KLHL25: variants seen among roughly 807,000 people sequenced by gnomAD.
KLHL25 encodes the protein kelch like family member 25.
A neutral mutation model predicts 30.0 loss-of-function variants in KLHL25; 41 were observed. The ratio of observed to expected loss-of-function variants is 1.37; its 90% CI spans 1.07 to 1.78. The LOEUF is 1.78. KLHL25 is among the 40% of genes most tolerant of loss of function. KLHL25 has a pLI of 0.00. For synonymous variants in KLHL25, 399 were observed against 355.3 expected (o/e 1.12, Z -1.38); for missense variants, 971 against 824.5 (o/e 1.18, Z -2.18).
intron 1 of KLHL25, among the ~76,000 whole-genome samples, 197 bp from the exon 2 acceptor site, chr15:85,770,017 A>G (rs1025067826): frequency 6.6e-6 from 1 of 152,238 alleles, no homozygotes; most frequent in African/African-American, 2.4e-5. Flanking sequence ...CCTGCCCTGC[A>G]GAAACTGGTT....
At chr15:85,786,893 C>G (rs11629608) in intron 1 of KLHL25, among the ~76,000 whole-genome samples, 29,956 of 152,110 alleles carry the variant, frequency 0.2, 3,119 homozygotes, top group Middle Eastern at 0.3. Flanking sequence ...TTTTCCCATG[C>G]AAAAAATACA....
chr15:85,784,023 A>C (rs2089762597), intron 1 of KLHL25, among the ~76,000 whole-genome samples: 1 of 152,162 alleles, frequency 6.6e-6, no homozygotes, highest in Non-Finnish European at 1.5e-5. Context: ...GTGGGACACA[A>C]ATTTTGCTTG....
At position 85,768,853 on chromosome 15, in the gene KLHL25, T is replaced by C; in HGVS notation, c.958A>G (p.Ile320Val). The C allele has an allele frequency of 1.2e-6, 2 of 1,613,338 alleles. No homozygotes were observed. The highest frequency in any genetic ancestry group is 8.5e-7 in the Non-Finnish European group (1 of 1,180,028). Residue 320 changes from isoleucine (I) to valine (V), a missense_variant, in exon 2 of 3, where the codon ATC (isoleucine) becomes GTC (valine). Coordinates refer to ENST00000337975, the MANE Select transcript of KLHL25 (RefSeq NM_022480.4). ...CTGGGCAGGTCGGCCTTGGGGATGA[T>C]CTCCTTGGCCTTGTGGTCCACCTGG... ...IYQVDHKAKEIIPKADLPSPR... is the reference protein window; with the variant it reads ...IYQVDHKAKEVIPKADLPSPR...
intron 1 of KLHL25, among the ~76,000 whole-genome samples, chr15:85,781,054 G>A (rs1283333234): frequency 5.9e-5 from 9 of 152,176 alleles, no homozygotes; most frequent in Admixed American, 4.6e-4. Context: ...CAAAGGGGCC[G>A]GGCGCAGTGG....
At chr15:85,786,927 G>A (rs973447993) in intron 1 of KLHL25, among the ~76,000 whole-genome samples, 5 of 152,264 alleles carry the variant, frequency 3.3e-5, no homozygotes, top group Admixed American at 2.0e-4. Flanking sequence ...GGGCAGGGGC[G>A]GGCAGGGATT....
rs915568526 is a variant in KLHL25 at position 85,760,381 on chromosome 15, G to A, written c.*655C>T. On this transcript the variant is annotated 3_prime_UTR_variant, in exon 3 of 3. Transcript: ENST00000337975. ...CCACCGGGCCACAGCACTGAGCAAG[G>A]CCCTGAGTAGGTGGGCTGGGACTTA... The A allele has an allele frequency of 6.6e-6, 1 of 152,254 alleles. No individual in the cohort carries two copies. The highest frequency in any genetic ancestry group is 6.5e-5 in the Admixed American group (1 of 15,282). 9.4% of individuals were successfully genotyped at this position (152,254 alleles called of 1,614,324 possible).
At chr15:85,785,044 A>G (rs1019218167) in intron 1 of KLHL25, among the ~76,000 whole-genome samples, 30 of 151,962 alleles carry the variant, frequency 2.0e-4, no homozygotes, top group African/African-American at 7.2e-4. Context: ...TGCATTTTCA[A>G]TTCCTGGACA....
At chr15:85,792,683 T>C (rs1478862719) in intron 1 of KLHL25, among the ~76,000 whole-genome samples, 3 of 152,198 alleles carry the variant, frequency 2.0e-5, no homozygotes, top group Non-Finnish European at 4.4e-5. Flanking sequence ...AACCTGTGCC[T>C]ATCTTGAGGC....
chr15:85,771,079 C>T (rs944738086), intron 1 of KLHL25: 3 of 185,872 alleles, frequency 1.6e-5, no homozygotes, highest in South Asian at 2.4e-4. Flanking sequence ...CCAAGTCTCC[C>T]GATCAGGAAT....
intron 1 of KLHL25, among the ~76,000 whole-genome samples, chr15:85,793,901 G>C (rs2089833430): frequency 2.0e-5 from 3 of 152,310 alleles, no homozygotes; most frequent in East Asian, 3.9e-4. Context: ...CAGTTCGTTG[G>C]GTCAGGCCTC....
At chr15:85,784,484 T>C (rs545680822) in intron 1 of KLHL25, among the ~76,000 whole-genome samples, 9 of 152,108 alleles carry the variant, frequency 5.9e-5, no homozygotes, top group Non-Finnish European at 8.8e-5. Context: ...TGAGCTGACG[T>C]TGCTCTACTG....
chr15:85,774,021 T>C (rs2089694106), intron 1 of KLHL25, among the ~76,000 whole-genome samples: 2 of 152,056 alleles, frequency 1.3e-5, no homozygotes. Flanking sequence ...TCAAGATATA[T>C]GTGTTCAGTA....
At chr15:85,790,455 GCT>G (rs2089809173) in intron 1 of KLHL25, among the ~76,000 whole-genome samples, 1 of 152,158 alleles carries the variant, frequency 6.6e-6, no homozygotes, top group Non-Finnish European at 1.5e-5. Flanking sequence ...GACCAGAAAG[GCT>G]AAGCAAGTAA....
intron 2 of KLHL25, among the ~76,000 whole-genome samples, chr15:85,764,960 G>C (rs1263865019): frequency 6.6e-6 from 1 of 152,202 alleles, no homozygotes; most frequent in Non-Finnish European, 1.5e-5. Flanking sequence ...CTCCTTCCAG[G>C]GTCCCTGGGA....
Position 85,768,765 on chromosome 15 carries a change from C to A in KLHL25, c.1046G>T (p.Gly349Val). The change falls in exon 2 of 3, where the codon GGC (glycine) becomes GTC (valine). Residue 349 changes from glycine (G) to valine (V), a missense_variant. Physicochemically the swap from Gly to Val is moderately radical, Grantham distance 109. Transcript: ENST00000337975. ...ATCCTTGGAGACCCCGTTCTCGGAG[C>A]CCCTGCCCCCCGTCACATAGACCTT... ...GCKVYVTGGR[G>V]SENGVSKDVW... The A allele has an allele frequency of 6.2e-7, 1 of 1,612,962 alleles. No homozygotes were observed. Among genetic ancestry groups the A allele is most frequent in the Non-Finnish European group, 8.5e-7 (1 of 1,179,912 alleles).
In KLHL25 at chr15:85,780,608, C is replaced by T. The variant is rs141906336; in HGVS notation, c.-10-10788G>A. On this transcript the variant is annotated intron_variant, in intron 1 of 2. Coordinates refer to ENST00000337975, the MANE Select transcript of KLHL25 (RefSeq NM_022480.4). ...AACAGAACAAAAAAAGAACAAATGC[C>T]AAGCACTGGCCACTTACTGGTAGTG... is the stretch of plus-strand genomic sequence containing the variant. Among the ~76,000 whole-genome samples, 31 of 152,320 alleles carry T rather than the reference C, an allele frequency of 2.0e-4. No individual in the cohort carries two copies. In the East Asian group the frequency reaches 5.4e-3, roughly 27 times the overall value.
At chr15:85,761,145 C>CG (rs1567236351) in intron 2 of KLHL25, 134 bp from the exon 3 acceptor site, 1 of 152,308 alleles carries the variant, frequency 6.6e-6, no homozygotes, top group African/African-American at 2.4e-5. Context: ...CACCATTCAC[C>CG]GGCAGCGCAG....
In KLHL25 at chr15:85,768,314, A is replaced by G. The variant is rs779683993; in HGVS notation, c.1497T>C (p.Gly499=). ...VLGSQIFIMG[G]DTEFTAASAY... ...CCGAGGCGGCTGTGAATTCCGTGTCACCTCCCATGATGAAGATCTGGCTGC... is the reference window on the plus strand; with the variant it reads ...CCGAGGCGGCTGTGAATTCCGTGTCGCCTCCCATGATGAAGATCTGGCTGC... Residue 499 remains glycine (G), a synonymous_variant, in exon 2 of 3, where the codon GGT becomes GGC. Transcript: ENST00000337975. The G allele has an allele frequency of 1.3e-5, 21 of 1,613,494 alleles. No individual in the cohort carries two copies. In the East Asian group the frequency reaches 2.9e-4, roughly 22 times the overall value.
chr15:85,765,828 CA>C (rs35443769), intron 2 of KLHL25, among the ~76,000 whole-genome samples: 98 of 103,668 alleles, frequency 9.5e-4, no homozygotes, highest in East Asian at 1.1e-3. Context: ...GAGACTGTCT[CA>C]AAAAAAAAAA....
Sources: allele counts gnomAD v4.1 joint callset (sites outside exome capture counted in the v4.1 genomes callset), GRCh38; gene constraint gnomAD v4.1.1; transcripts MANE v1.5; gene names NCBI Gene and HGNC (gene_info 2026-07-23, HGNC 2026-07-21).